Variants in PTCSC3 observed in about 807,000 individuals in gnomAD.
The protein encoded by PTCSC3 is papillary thyroid carcinoma susceptibility candidate 3 (non-protein coding).
intron 1 of PTCSC3, chr14:36,165,309 C>G (rs1466444606): frequency 6.6e-6 from 1 of 152,138 alleles, no homozygotes; most frequent in African/African-American, 2.4e-5. Context: ...AGTGTGCTTG[C>G]CCCATCAAGC....
chr14:36,167,432 C>A (rs1317527543), intron 1 of PTCSC3, among the ~76,000 whole-genome samples: 1 of 152,078 alleles, frequency 6.6e-6, no homozygotes, highest in Non-Finnish European at 1.5e-5. Context: ...GAAAAACATA[C>A]AATTTTATTT....
At chr14:36,148,570 C>T (rs989786709) in intron 3 of PTCSC3, among the ~76,000 whole-genome samples, 28 of 152,200 alleles carry the variant, frequency 1.8e-4, no homozygotes, top group African/African-American at 6.8e-4. Flanking sequence ...GTCTGGCACT[C>T]CCTAGTGAGA....
intron 2 of PTCSC3, among the ~76,000 whole-genome samples, chr14:36,154,826 A>C: frequency 6.6e-6 from 1 of 152,262 alleles, no homozygotes; most frequent in South Asian, 2.1e-4. Context: ...GATGTCTGTA[A>C]ATAATTTTAA....
At chr14:36,151,653 G>C (rs1881726911) in intron 3 of PTCSC3, among the ~76,000 whole-genome samples, 1 of 152,030 alleles carries the variant, frequency 6.6e-6, no homozygotes, top group South Asian at 2.1e-4. Flanking sequence ...GTGACTTTTA[G>C]AAGAAGTTCT....
intron 2 of PTCSC3, among the ~76,000 whole-genome samples, chr14:36,161,017 T>G (rs1343546811): frequency 6.6e-6 from 1 of 152,196 alleles, no homozygotes; most frequent in Non-Finnish European, 1.5e-5. Context: ...ATTCAGCTAT[T>G]GATACTTGTG....
chr14:36,165,544 A>T (rs1882069159), intron 1 of PTCSC3, among the ~76,000 whole-genome samples: 1 of 142,746 alleles, frequency 7.0e-6, no homozygotes, highest in South Asian at 2.3e-4. Flanking sequence ...GCAATCTATA[A>T]AAAAAAAAAG....
chr14:36,148,387 C>T (rs1002770860), intron 3 of PTCSC3, among the ~76,000 whole-genome samples: 25 of 152,304 alleles, frequency 1.6e-4, no homozygotes, highest in African/African-American at 3.4e-4. Context: ...TTAAGCCTGT[C>T]GGAAAAGCGC....
chr14:36,149,185 T>TAAA (rs1209966070), intron 3 of PTCSC3, among the ~76,000 whole-genome samples: 11 of 152,202 alleles, frequency 7.2e-5, no homozygotes, highest in Admixed American at 7.2e-4. Context: ...CACATTTTGA[T>TAAA]AAATTGTATT....
chr14:36,160,696 T>C (rs1380309135), intron 2 of PTCSC3, among the ~76,000 whole-genome samples: 1 of 152,130 alleles, frequency 6.6e-6, no homozygotes, highest in East Asian at 1.9e-4. Context: ...GACAATTATA[T>C]GTCTTGGGGG....
At chr14:36,168,315 C>T (rs1882131319) in intron 1 of PTCSC3, among the ~76,000 whole-genome samples, 2 of 146,014 alleles carry the variant, frequency 1.4e-5, no homozygotes, top group South Asian at 4.3e-4. Context: ...TATGCCTTTG[C>T]ATTCCATTAA....
At chr14:36,149,548 G>C (rs1881675588) in intron 3 of PTCSC3, among the ~76,000 whole-genome samples, 1 of 152,148 alleles carries the variant, frequency 6.6e-6, no homozygotes, top group Non-Finnish European at 1.5e-5. Flanking sequence ...TTTTCTGCTT[G>C]CTGGATCTGT....
chr14:36,148,966 TTTC>T (rs1186115677), intron 3 of PTCSC3, among the ~76,000 whole-genome samples: 2 of 152,110 alleles, frequency 1.3e-5, no homozygotes, highest in African/African-American at 4.8e-5. Context: ...TTTTGTTGAT[TTTC>T]TTATTTCTTC....
intron 1 of PTCSC3, among the ~76,000 whole-genome samples, chr14:36,163,805 C>T (rs1293616963): frequency 1.3e-5 from 2 of 152,172 alleles, no homozygotes; most frequent in Non-Finnish European, 2.9e-5. Context: ...TATACTTTGT[C>T]AGTGGATTTC....
chr14:36,155,609 A>T (rs1170757121), intron 2 of PTCSC3, among the ~76,000 whole-genome samples: 28 of 152,154 alleles, frequency 1.8e-4, no homozygotes, highest in Non-Finnish European at 4.4e-5. Flanking sequence ...ATGGAAGACC[A>T]AATTTCAACC....
intron 3 of PTCSC3, among the ~76,000 whole-genome samples, chr14:36,149,174 GCA>G (rs1881665883): frequency 1.3e-5 from 2 of 151,870 alleles, no homozygotes; most frequent in Admixed American, 6.6e-5. Flanking sequence ...GCTGCATTCT[GCA>G]CATTTTGATA....
chr14:36,138,523 G>T (rs1594442316), intron 3 of PTCSC3, among the ~76,000 whole-genome samples: 2 of 152,088 alleles, frequency 1.3e-5, no homozygotes, highest in South Asian at 4.1e-4. Context: ...AAAAAATTTG[G>T]CAAAATTTTA....
At chr14:36,160,156 C>T (rs1192121447) in intron 2 of PTCSC3, among the ~76,000 whole-genome samples, 1 of 152,170 alleles carries the variant, frequency 6.6e-6, no homozygotes, top group Non-Finnish European at 1.5e-5. Flanking sequence ...ATACAGCACA[C>T]TGATGGGTCT....
intron 1 of PTCSC3, among the ~76,000 whole-genome samples, chr14:36,163,546 T>C (rs542303446): frequency 6.6e-6 from 1 of 152,258 alleles, no homozygotes; most frequent in East Asian, 1.9e-4. Context: ...AGAATATAAG[T>C]GGACTAACTT....
chr14:36,165,661 G>T (rs1882071548), intron 1 of PTCSC3, among the ~76,000 whole-genome samples: 1 of 150,448 alleles, frequency 6.6e-6, no homozygotes. Flanking sequence ...CTCAACTGTA[G>T]TTTCAGCTAA....
Sources: allele counts gnomAD v4.1 joint callset (sites outside exome capture counted in the v4.1 genomes callset), GRCh38; gene constraint gnomAD v4.1.1; transcripts MANE v1.5; gene names NCBI Gene and HGNC (gene_info 2026-07-23, HGNC 2026-07-21).